RGS12: variants seen among roughly 807,000 people sequenced by gnomAD.
RGS12 encodes regulator of G protein signaling 12.
Under a neutral mutation model 120.1 loss-of-function variants are expected in RGS12, and 66 were observed. The observed-to-expected ratio is 0.55, with a 90% CI of 0.45 to 0.67. RGS12 has a LOEUF of 0.67. RGS12 is among the 30% of genes least tolerant of loss of function. RGS12 has a pLI of 0.00. For missense variants in RGS12, 1,859 were observed against 1,957.7 expected, an observed-to-expected ratio of 0.95 and a Z score of 0.95; for synonymous variants, 827 against 804.7, an observed-to-expected ratio of 1.03 and a Z score of -0.47.
At chr4:3,358,110 A>T (rs538681047) in intron 3 of RGS12, among the ~76,000 whole-genome samples, 1 of 152,058 alleles carries the variant, frequency 6.6e-6, no homozygotes, top group African/African-American at 2.4e-5. Context: ...ACTATTGTTA[A>T]TGTAATTGTT....
Position 3,417,477 on chromosome 4 carries a change from G to A in RGS12, c.2697G>A (p.Ser899=), listed in dbSNP as rs545640045. 18 of 1,613,230 alleles carry A rather than the reference G, an allele frequency of 1.1e-5. No individual in the cohort carries two copies. The highest frequency in any genetic ancestry group is 4.0e-5 in the African/African-American group (3 of 74,904). The stretch of plus-strand genomic sequence containing the variant: ...AGAAGCGGAAAGGCGCGTTTTTCTC[G>A]TGGTCGCGGACCAGGAGCACCGGGA... ...SEKKRKGAFF[S]WSRTRSTGRS... The change falls in exon 9 of 18, where the codon TCG becomes TCA. Residue 899 remains serine (S), a synonymous_variant. Transcript: ENST00000336727.
intron 3 of RGS12, chr4:3,370,213 G>A (rs893889182): frequency 2.2e-5 from 35 of 1,591,878 alleles, no homozygotes; most frequent in East Asian, 4.5e-5. Context: ...CACAAGCTGC[G>A]GTGTTGAATG....
chr4:3,361,545 T>C (rs1560113318), intron 3 of RGS12, among the ~76,000 whole-genome samples: 1 of 151,964 alleles, frequency 6.6e-6, no homozygotes, highest in South Asian at 2.1e-4. Context: ...TGAGCAGAAA[T>C]GGCGAGGGGC....
At chr4:3,383,330 G>A (rs1718462813) in intron 3 of RGS12, among the ~76,000 whole-genome samples, 2 of 152,074 alleles carry the variant, frequency 1.3e-5, no homozygotes, top group South Asian at 4.1e-4. Flanking sequence ...GTTTGGGTGG[G>A]GCATGGAGGC....
chr4:3,323,080 G>T (rs2108697254), intron 2 of RGS12, among the ~76,000 whole-genome samples: 1 of 152,322 alleles, frequency 6.6e-6, no homozygotes, highest in Non-Finnish European at 1.5e-5. Context: ...AAATACAGAA[G>T]CCTCAAGCCC....
At chr4:3,299,253 C>G (rs1723545157) in intron 1 of RGS12, among the ~76,000 whole-genome samples, 1 of 152,076 alleles carries the variant, frequency 6.6e-6, no homozygotes, top group African/African-American at 2.4e-5. Flanking sequence ...AATTTACTAA[C>G]AGATCTCACG....
intron 2 of RGS12, chr4:3,342,301 G>T: frequency 1.4e-6 from 1 of 737,154 alleles, no homozygotes; most frequent in South Asian, 2.9e-5. Context: ...GCTGGAGCCA[G>T]CTTCTCATCT....
chr4:3,343,268 G>T (rs1332601577), intron 3 of RGS12: 5 of 496,092 alleles, frequency 1.0e-5, no homozygotes, highest in South Asian at 9.8e-5. Flanking sequence ...GCTTTCTGGG[G>T]TGCTCTTCTG....
At chr4:3,336,313 C>G (rs1712454920) in intron 2 of RGS12, among the ~76,000 whole-genome samples, 1 of 152,206 alleles carries the variant, frequency 6.6e-6, no homozygotes, top group Non-Finnish European at 1.5e-5. Context: ...GCCTTTCCAT[C>G]CCTCAATACC....
chr4:3,420,710 C>T lies in RGS12; in HGVS notation c.2830C>T (p.Leu944=), dbSNP rs757644231. 3 of 1,612,294 alleles carry T rather than the reference C, an allele frequency of 1.9e-6. No homozygotes were observed. Among genetic ancestry groups the T allele is most frequent in the Non-Finnish European group, 2.5e-6 (3 of 1,179,968 alleles). The part of the protein sequence containing the change: ...SQGSVSSAGS[L]DLSEACRTLA... ...GGGCTCTGTGTCCTCTGCGGGGAGC[C>T]TGGACCTGGTGAGTCACTGTCTCCC... is the stretch of plus-strand genomic sequence containing the variant. Residue 944 remains leucine, a synonymous_variant, in exon 10 of 18, where the codon CTG becomes TTG. Coordinates refer to ENST00000336727, the MANE Select transcript of RGS12 (RefSeq NM_001394154.1).
intron 4 of RGS12, among the ~76,000 whole-genome samples, chr4:3,409,910 C>T (rs1261518980): frequency 6.6e-6 from 1 of 152,238 alleles, no homozygotes. Context: ...GCCAGAGGGA[C>T]CCTGCAGTCT....
intron 2 of RGS12, among the ~76,000 whole-genome samples, chr4:3,333,293 C>T (rs60200683): frequency 0.02 from 3,040 of 152,278 alleles, 88 homozygotes; most frequent in African/African-American, 0.058. Context: ...TCGTGATCCA[C>T]CCGCCTCGGC....
At chr4:3,342,513 C>T (rs1713339291) in intron 2 of RGS12, 1 of 1,290,954 alleles carries the variant, frequency 7.7e-7, no homozygotes, top group Non-Finnish European at 1.0e-6. Flanking sequence ...TATGAAAAAG[C>T]ACGACTTTGC....
Position 3,316,382 on chromosome 4 carries a change from A to G in RGS12, c.212A>G (p.Asn71Ser). 2.5e-6 allele frequency: 4 copies of G among 1,613,896 alleles called. No individual in the cohort carries two copies. The highest frequency in any genetic ancestry group is 3.4e-6 in the Non-Finnish European group (4 of 1,179,886). Residue 71 changes from asparagine to serine, a missense_variant, in exon 2 of 18, where the codon AAC becomes AGC. Around this residue, in one of 3 missense-constraint regions of RGS12, gnomAD observed 967 missense variants for 994.2 expected, o/e 0.97. Transcript: ENST00000336727. ...CAGATACTTGCTGTCAATGAAATCA[A>G]CGTGAAAAAAGCATCTCATGAAGAT... is the stretch of plus-strand genomic sequence containing the variant. ...GDQILAVNEI[N>S]VKKASHEDVV...
At chr4:3,394,955 G>A (rs756143879) in intron 4 of RGS12, among the ~76,000 whole-genome samples, 1 of 152,120 alleles carries the variant, frequency 6.6e-6, no homozygotes, top group African/African-American at 2.4e-5. Flanking sequence ...GATTCCTTGA[G>A]GCCAAGAGTT....
intron 4 of RGS12, among the ~76,000 whole-genome samples, chr4:3,391,659 C>T (rs1266164810): frequency 6.6e-6 from 1 of 152,170 alleles, no homozygotes; most frequent in African/African-American, 2.4e-5. Context: ...CAACCCTAGG[C>T]GTGAGAAGCA....
chr4:3,414,385 C>A, intron 5 of RGS12, 144 bp downstream of exon 5: 1 of 924,074 alleles, frequency 1.1e-6, no homozygotes, highest in Non-Finnish European at 1.6e-6. Flanking sequence ...CCCTGGACCG[C>A]CACCCTCTCA....
chr4:3,320,499 G>A (rs7673434), intron 2 of RGS12, among the ~76,000 whole-genome samples: 2,781 of 152,352 alleles, frequency 0.018, 69 homozygotes, highest in African/African-American at 0.06. Context: ...AGGTTTGGCT[G>A]TCAGGTGACT....
At position 3,316,441 on chromosome 4, in the gene RGS12, C is replaced by A; in HGVS notation, c.271C>A (p.Leu91Ile). ...VKLIGKCSGVLHMVIAEGVGR... is the reference protein window; with the variant it reads ...VKLIGKCSGVIHMVIAEGVGR... ...ATTAATTGGGAAGTGCTCTGGTGTC[C>A]TTCACATGGTGATTGCTGAAGGCGT... The change falls in exon 2 of 18, where the codon CTT (leucine) becomes ATT (isoleucine). Residue 91 changes from leucine to isoleucine, a missense_variant. Leu to Ile is a conservative substitution (Grantham distance 5). Around this residue, in one of 3 missense-constraint regions of RGS12, gnomAD observed 967 missense variants for 994.2 expected, o/e 0.97. Coordinates refer to ENST00000336727, the MANE Select transcript of RGS12 (RefSeq NM_001394154.1). 1 of 1,614,180 alleles carries A rather than the reference C, an allele frequency of 6.2e-7. No individual in the cohort carries two copies. Among genetic ancestry groups the A allele is most frequent in the Non-Finnish European group, 8.5e-7 (1 of 1,180,046 alleles).
Sources: allele counts gnomAD v4.1 joint callset (sites outside exome capture counted in the v4.1 genomes callset), GRCh38; gene constraint gnomAD v4.1.1; regional missense constraint gnomAD v4.1.1; transcripts MANE v1.5; gene names NCBI Gene and HGNC (gene_info 2026-07-23, HGNC 2026-07-21).